SGO1: variants seen among roughly 807,000 people sequenced by gnomAD.
SGO1 encodes the protein shugoshin 1.
In SGO1, 39 loss-of-function variants were observed where a neutral mutation model predicts 50.5. The observed-to-expected ratio is 0.77, with a 90% CI of 0.60 to 1.01. The LOEUF (loss-of-function observed/expected upper bound fraction) is 1.01. Ranked by LOEUF, SGO1 falls within the 50% of genes least tolerant of loss-of-function variation. The pLI is 0.00. For synonymous variants in SGO1, 191 were observed against 205.1 expected (o/e 0.93, Z 0.59); for missense variants, 638 against 606.0 (o/e 1.05, Z -0.55).
At chr3:20,168,743 C>A (rs1001386864), downstream of SGO1, among the ~76,000 whole-genome samples, 6 of 151,300 alleles carry the variant, frequency 4.0e-5, no homozygotes, top group Admixed American at 2.0e-4. Flanking sequence ...CCCGGGTTCA[C>A]GCCGTTCTCC....
intron 3 of SGO1, among the ~76,000 whole-genome samples, chr3:20,179,230 C>G (rs1186598002): frequency 6.6e-6 from 1 of 152,084 alleles, no homozygotes; most frequent in Non-Finnish European, 1.5e-5. Flanking sequence ...GTGGGGGAGA[C>G]AAGGGGAAGT....
intron 5 of SGO1, among the ~76,000 whole-genome samples, chr3:20,175,330 G>A (rs1167251616): frequency 6.6e-6 from 1 of 152,112 alleles, no homozygotes; most frequent in Admixed American, 6.5e-5. Context: ...AACTTTTTTA[G>A]TGCAGTCATG....
rs1700693340 is a variant in SGO1 at position 20,171,152 on chromosome 3, T to A, written c.1363A>T (p.Ile455Phe). Residue 455 changes from isoleucine to phenylalanine, a missense_variant, in exon 7 of 8, where the codon ATC becomes TTC. Physicochemically the swap from Ile to Phe is conservative, Grantham distance 21. Coordinates refer to ENST00000412997, the MANE Select transcript of SGO1 (RefSeq NM_001199251.3). Reference protein sequence around the residue: ...TNVSLYPVVKIRRLSLSPKKN... With the variant: ...TNVSLYPVVKFRRLSLSPKKN... ...TTTGGAGAAAGAGAAAGTCTTCTGA[T>A]TTTCACAACAGGATACAAGGAGACA... 1 of 1,613,230 alleles carries A rather than the reference T, an allele frequency of 6.2e-7. No homozygotes were observed. The highest frequency in any genetic ancestry group is 1.7e-5 in the Admixed American group (1 of 59,894).
chr3:20,186,600 C>T (rs961480841), upstream of SGO1: 1 of 152,228 alleles, frequency 6.6e-6, no homozygotes. Context: ...GCTTGCAACA[C>T]GGAAGCAGCT....
downstream of SGO1, among the ~76,000 whole-genome samples, chr3:20,166,901 T>C (rs960926227): frequency 6.9e-6 from 1 of 145,870 alleles, no homozygotes; most frequent in Non-Finnish European, 1.5e-5. Flanking sequence ...TGCAAGCTTG[T>C]AGTCCTAGGT....
At chr3:20,172,810 A>T (rs1465864189) in intron 6 of SGO1, among the ~76,000 whole-genome samples, 3 of 150,900 alleles carry the variant, frequency 2.0e-5, no homozygotes, top group Non-Finnish European at 3.0e-5. Context: ...AAAAAAAAAA[A>T]AAAAAATTAG....
At chr3:20,166,281 A>T (rs1349222565), downstream of SGO1, among the ~76,000 whole-genome samples, 1 of 152,276 alleles carries the variant, frequency 6.6e-6, no homozygotes, top group East Asian at 1.9e-4. Flanking sequence ...AAAAACTAAA[A>T]CACAACAACA....
At chr3:20,172,986 C>T (rs908379940) in intron 6 of SGO1, among the ~76,000 whole-genome samples, 2 of 151,686 alleles carry the variant, frequency 1.3e-5, no homozygotes, top group East Asian at 1.9e-4. Flanking sequence ...TGAACAACAA[C>T]AAAAAAATCC....
chr3:20,162,385 G>A (rs553675260), intron 8 of SGO1, among the ~76,000 whole-genome samples: 3 of 152,138 alleles, frequency 2.0e-5, no homozygotes, highest in African/African-American at 7.2e-5. Flanking sequence ...TCGTACTGGG[G>A]GTAAACGAGC....
In SGO1 at chr3:20,174,906, C is replaced by G. The variant is rs145787431; in HGVS notation, c.625G>C (p.Asp209His). ...GCCAAATGACTGGTTTCAAAATCAT[C>G]CAAGCTATCAAACTGACATATACTG... ...CNSICQFDSL[D>H]DFETSHLAGK... Residue 209 changes from aspartate (D) to histidine (H), a missense_variant, in exon 6 of 8, where the codon GAT becomes CAT. Transcript: ENST00000412997. 95 of 1,613,874 alleles carry G rather than the reference C, an allele frequency of 5.9e-5. No homozygotes were observed. Among genetic ancestry groups the G allele is most frequent in the Non-Finnish European group, 7.7e-5 (91 of 1,179,992 alleles).
chr3:20,162,864 C>T (rs1349368546), intron 8 of SGO1, among the ~76,000 whole-genome samples: 1 of 149,906 alleles, frequency 6.7e-6, no homozygotes, highest in East Asian at 2.0e-4. Context: ...GACGATTTAA[C>T]AAAGCAGAAG....
At position 20,163,505 on chromosome 3, in the gene SGO1, T is replaced by C. The variant is rs369636844; in HGVS notation, c.1565-2279A>G. Among the ~76,000 whole-genome samples, 63 of 152,272 alleles carry C rather than the reference T, an allele frequency of 4.1e-4. 1 individual carries two copies. The South Asian group carries it at 0.013, about 31-fold the overall frequency. On this transcript the variant is annotated intron_variant, in intron 8 of 8. Coordinates refer to the SGO1 transcript ENST00000263753. Reference sequence around the variant, plus strand: ...TAACATCACACGTAGGATTGCTATATTTTCTAGGATTTGACATTTTCAGGT... The same window carrying C: ...TAACATCACACGTAGGATTGCTATACTTTCTAGGATTTGACATTTTCAGGT...
At chr3:20,162,295 T>C (rs1252498069) in intron 8 of SGO1, among the ~76,000 whole-genome samples, 1 of 152,166 alleles carries the variant, frequency 6.6e-6, no homozygotes, top group Non-Finnish European at 1.5e-5. Flanking sequence ...TTGAACAGGC[T>C]TGGGCAACCA....
downstream of SGO1, chr3:20,168,831 C>T (rs570692346): frequency 2.9e-5 from 13 of 446,360 alleles, no homozygotes; most frequent in South Asian, 9.5e-5. Flanking sequence ...GGGGTTTCAC[C>T]GTATTAGCCA....
rs139053195 is a variant in SGO1, at chr3:20,171,185, T to C, written c.1330A>G (p.Ile444Val). 6.2e-7 allele frequency: 1 copy of C among 1,611,486 alleles called. No homozygotes were observed. Among genetic ancestry groups the C allele is most frequent in the African/African-American group, 1.3e-5 (1 of 74,654 alleles). Residue 444 changes from isoleucine (I) to valine (V), a missense_variant, in exon 7 of 8, where the codon ATC becomes GTC. By Grantham distance (29) the Ile-to-Val change is conservative. Transcript: ENST00000412997. The part of the protein sequence containing the change: ...QQSPHLSLKD[I>V]TNVSLYPVVK... ...ACAGGATACAAGGAGACATTGGTGA[T>C]ATCCTTCAGGCTAAGATGAGGTGAC...
At chr3:20,163,757 A>G (rs1443331599) in intron 8 of SGO1, among the ~76,000 whole-genome samples, 3 of 152,212 alleles carry the variant, frequency 2.0e-5, no homozygotes, top group African/African-American at 7.2e-5. Flanking sequence ...ATCAGGAATG[A>G]AAAGAGAGGA....
At chr3:20,161,811 T>G (rs1700054425) in intron 8 of SGO1, among the ~76,000 whole-genome samples, 1 of 152,232 alleles carries the variant, frequency 6.6e-6, no homozygotes, top group Non-Finnish European at 1.5e-5. Flanking sequence ...GATAAATTAT[T>G]GACTTCCACT....
chr3:20,183,925 T>G lies in SGO1; in HGVS notation c.103A>C (p.Lys35Gln). The part of the protein sequence containing the change: ...KRNKNLAEIG[K>Q]RRSFIAAPCQ... The stretch of plus-strand genomic sequence containing the variant: ...GGTGCAGCTATAAAAGACCTGCGTT[T>G]GCCAATCTCTGCCAAGTTTTTATTC... The change falls in exon 2 of 8, where the codon AAA (lysine) becomes CAA (glutamine). Residue 35 changes from lysine (K) to glutamine (Q), a missense_variant. Transcript: ENST00000412997. 6.2e-7 allele frequency: 1 copy of G among 1,612,856 alleles called. No homozygotes were observed. The highest frequency in any genetic ancestry group is 1.1e-5 in the South Asian group (1 of 90,524).
In SGO1 at chr3:20,183,941, G is replaced by A; in HGVS notation, c.87C>T (p.Asn29=). ...ACCTGCGTTTGCCAATCTCTGCCAA[G>A]TTTTTATTCCTTTTCTCTTTCATTC... The part of the protein sequence containing the change: ...KKRMKEKRNK[N]LAEIGKRRSF... Residue 29 remains asparagine (N), a synonymous_variant, in exon 2 of 8, where the codon AAC becomes AAT. Coordinates refer to ENST00000412997, the MANE Select transcript of SGO1 (RefSeq NM_001199251.3). 1 of 1,612,644 alleles carries A rather than the reference G, an allele frequency of 6.2e-7. No homozygotes were observed. Among genetic ancestry groups the A allele is most frequent in the Non-Finnish European group, 8.5e-7 (1 of 1,179,614 alleles).
Sources: allele counts gnomAD v4.1 joint callset (sites outside exome capture counted in the v4.1 genomes callset), GRCh38; gene constraint gnomAD v4.1.1; transcripts MANE v1.5; gene names NCBI Gene and HGNC (gene_info 2026-07-23, HGNC 2026-07-21).